Variants in ARHGAP12 observed in about 807,000 individuals in gnomAD.
ARHGAP12 encodes the protein rho GTPase-activating protein 12.
ARHGAP12 carries 64 observed loss-of-function variants against 108.6 expected under a neutral mutation model. The observed-to-expected ratio is 0.59, with a 90% CI of 0.48 to 0.73. ARHGAP12 has a LOEUF of 0.73. Ranked by LOEUF, ARHGAP12 falls within the 30% of genes least tolerant of loss-of-function variation. ARHGAP12 has a pLI of 0.00. For synonymous variants in ARHGAP12, 312 were observed against 337.2 expected, an observed-to-expected ratio of 0.93 and a Z score of 0.82; for missense variants, 940 against 1,005.9, an observed-to-expected ratio of 0.93 and a Z score of 0.89.
chr10:31,854,176 T>A lies in ARHGAP12; in HGVS notation c.979A>T (p.Thr327Ser). ...TGACTATCTGACTGGCTGTAAGAAGTGCTGTAGTAGTTTTCTTCCGATGAA... is the reference window on the plus strand; with the variant it reads ...TGACTATCTGACTGGCTGTAAGAAGAGCTGTAGTAGTTTTCTTCCGATGAA... ...LLSSEENYYS[T>S]SYSQSDSQCG... The change falls in exon 5 of 20, where the codon ACT becomes TCT. Residue 327 changes from threonine (T) to serine (S), a missense_variant. Physicochemically the swap from Thr to Ser is moderately conservative, Grantham distance 58 (BLOSUM62 1). Transcript: ENST00000344936. 6.2e-7 allele frequency: 1 copy of A among 1,612,226 alleles called. No individual in the cohort carries two copies. The highest frequency in any genetic ancestry group is 1.1e-5 in the South Asian group (1 of 90,408).
chr10:31,837,540 T>C (rs1332857408), intron 9 of ARHGAP12, among the ~76,000 whole-genome samples: 1 of 152,182 alleles, frequency 6.6e-6, no homozygotes, highest in Non-Finnish European at 1.5e-5. Context: ...TCTGCTACGT[T>C]AGTCTGACAA....
chr10:31,892,237 C>T (rs562590389), intron 3 of ARHGAP12, among the ~76,000 whole-genome samples: 1 of 152,262 alleles, frequency 6.6e-6, no homozygotes, highest in South Asian at 2.1e-4. Flanking sequence ...ATCATAATGA[C>T]AGGATCAAAT....
At chr10:31,849,486 TATC>T (rs1836589993) in intron 6 of ARHGAP12, among the ~76,000 whole-genome samples, 1 of 152,226 alleles carries the variant, frequency 6.6e-6, no homozygotes, top group Non-Finnish European at 1.5e-5. Context: ...TAAATTTTAA[TATC>T]TGCATGGGGG....
At chr10:31,860,677 CAA>C (rs1313096782) in intron 4 of ARHGAP12, among the ~76,000 whole-genome samples, 1 of 152,054 alleles carries the variant, frequency 6.6e-6, no homozygotes, top group Non-Finnish European at 1.5e-5. Flanking sequence ...CGCTGACTGA[CAA>C]AGAGAAAAAA....
intron 11 of ARHGAP12, among the ~76,000 whole-genome samples, chr10:31,821,272 T>C (rs1564370421): frequency 6.6e-6 from 1 of 152,160 alleles, no homozygotes; most frequent in Non-Finnish European, 1.5e-5. Context: ...TCAGAAGTAC[T>C]TAGCTAGCTA....
rs1345353171 is a variant in ARHGAP12 at position 31,908,533 on chromosome 10, T to C, written c.323A>G (p.Asn108Ser). The C allele has an allele frequency of 6.2e-7, 1 of 1,614,218 alleles. No individual in the cohort carries two copies. Among genetic ancestry groups the C allele is most frequent in the Non-Finnish European group, 8.5e-7 (1 of 1,180,034 alleles). ...GAAACTTGAAAGCTCAGGCAATTTG[T>C]TCACATTTTCTGTTGATCTCTGAAG... Reference protein sequence around the residue: ...LHLQRSTENVNKLPELSSFGK... With the variant: ...LHLQRSTENVSKLPELSSFGK... Residue 108 changes from asparagine to serine, a missense_variant, in exon 3 of 20, where the codon AAC (asparagine) becomes AGC (serine). By Grantham distance (46) the Asn-to-Ser change is conservative. Transcript: ENST00000344936.
At chr10:31,892,857 A>T (rs1255877986) in intron 3 of ARHGAP12, among the ~76,000 whole-genome samples, 6 of 152,142 alleles carry the variant, frequency 3.9e-5, no homozygotes, top group South Asian at 2.1e-4. Flanking sequence ...GAAGTAAAGC[A>T]CTCCTCAGCA....
intron 3 of ARHGAP12, among the ~76,000 whole-genome samples, chr10:31,865,301 G>C (rs1837282416): frequency 1.3e-5 from 2 of 152,200 alleles, no homozygotes; most frequent in South Asian, 2.1e-4. Context: ...GCTGCAATAG[G>C]ACAAGACAGT....
chr10:31,920,912 A>G (rs182934135), intron 1 of ARHGAP12, among the ~76,000 whole-genome samples: 24 of 152,232 alleles, frequency 1.6e-4, no homozygotes, highest in Non-Finnish European at 3.4e-4. Flanking sequence ...AAACTCTCAA[A>G]AAGTATCTTA....
intron 7 of ARHGAP12, among the ~76,000 whole-genome samples, chr10:31,840,238 AATAAG>A (rs1342058075): frequency 1.3e-5 from 2 of 152,054 alleles, no homozygotes; most frequent in South Asian, 2.1e-4. Context: ...AAAAATTAGA[AATAAG>A]ATATTTTAAA....
At chr10:31,852,496 T>G (rs2132281914) in intron 6 of ARHGAP12, 21 bp downstream of exon 6, 4 of 1,547,492 alleles carry the variant, frequency 2.6e-6, no homozygotes, top group Non-Finnish European at 3.6e-6. Context: ...TAAATAGAAA[T>G]TCGGTGTCAA....
At chr10:31,827,322 G>GGC (rs1390123298) in intron 10 of ARHGAP12, among the ~76,000 whole-genome samples, 2 of 152,008 alleles carry the variant, frequency 1.3e-5, no homozygotes, top group African/African-American at 4.8e-5. Context: ...ATCTGCCTCA[G>GGC]GCCTAGCACA....
chr10:31,820,095 T>C (rs146954810), intron 12 of ARHGAP12, among the ~76,000 whole-genome samples: 2 of 152,238 alleles, frequency 1.3e-5, no homozygotes, highest in Non-Finnish European at 2.9e-5. Flanking sequence ...TTAATTTACT[T>C]TTTAATATTA....
At chr10:31,903,191 T>C (rs957188971) in intron 3 of ARHGAP12, among the ~76,000 whole-genome samples, 3 of 152,210 alleles carry the variant, frequency 2.0e-5, no homozygotes, top group African/African-American at 7.2e-5. Context: ...TATAGCCTAC[T>C]ACACACCTAA....
At chr10:31,838,950 A>G (rs1836142305) in intron 9 of ARHGAP12, among the ~76,000 whole-genome samples, 1 of 151,920 alleles carries the variant, frequency 6.6e-6, no homozygotes, top group South Asian at 2.1e-4. Context: ...CAGGTGGTTG[A>G]GGCTGCAGTG....
At chr10:31,814,590 T>A (rs1469792029) in intron 13 of ARHGAP12, among the ~76,000 whole-genome samples, 3 of 152,154 alleles carry the variant, frequency 2.0e-5, no homozygotes, top group African/African-American at 4.8e-5. Flanking sequence ...ATTCACAGGA[T>A]AATGGGTTAG....
chr10:31,815,006 G>A (rs1212327898), intron 13 of ARHGAP12, among the ~76,000 whole-genome samples: 1 of 151,490 alleles, frequency 6.6e-6, no homozygotes, highest in Non-Finnish European at 1.5e-5. Context: ...TGTAGTCCCA[G>A]CTACTTGGGA....
intron 10 of ARHGAP12, among the ~76,000 whole-genome samples, chr10:31,831,466 C>T (rs532909333): frequency 4.6e-5 from 7 of 151,144 alleles, no homozygotes; most frequent in Non-Finnish European, 1.0e-4. Context: ...TTACCATGTG[C>T]ATTTACTGCT....
intron 1 of ARHGAP12, among the ~76,000 whole-genome samples, chr10:31,922,511 T>A (rs1015785256): frequency 1.3e-5 from 2 of 151,522 alleles, no homozygotes; most frequent in African/African-American, 4.8e-5. Context: ...CAAGCAATCC[T>A]CCTAGCCTCA....
Sources: allele counts gnomAD v4.1 joint callset (sites outside exome capture counted in the v4.1 genomes callset), GRCh38; gene constraint gnomAD v4.1.1; transcripts MANE v1.5; gene names NCBI Gene and HGNC (gene_info 2026-07-23, HGNC 2026-07-21).